Variants in SIPA1L1 observed in about 807,000 individuals in gnomAD.
SIPA1L1 encodes the protein signal induced proliferation associated 1 like 1.
Under a neutral mutation model 162.7 loss-of-function variants are expected in SIPA1L1, and 26 were observed. The ratio of observed to expected loss-of-function variants is 0.16; its 90% CI spans 0.12 to 0.22. The LOEUF (loss-of-function observed/expected upper bound fraction) is 0.22, where lower values mean the gene tolerates loss of function less well. Among genes scored for constraint, SIPA1L1 ranks in the 10% least tolerant of loss-of-function variants. The pLI, the probability that SIPA1L1 is intolerant of heterozygous loss-of-function variation, is 1.00. For synonymous variants in SIPA1L1, 829 were observed against 837.4 expected (o/e 0.99, Z 0.17); for missense variants, 1,874 against 2,241.0 (o/e 0.84, Z 3.31).
At chr14:71,676,047 A>G (rs1285607960) in intron 12 of SIPA1L1, among the ~76,000 whole-genome samples, 1 of 139,616 alleles carries the variant, frequency 7.2e-6, no homozygotes, top group Non-Finnish European at 1.6e-5. Flanking sequence ...ATTTGAGGTC[A>G]GGAGTTTGAG....
chr14:71,409,146 T>A (rs1210484517), intron 2 of SIPA1L1, among the ~76,000 whole-genome samples: 1 of 152,226 alleles, frequency 6.6e-6, no homozygotes, highest in African/African-American at 2.4e-5. Context: ...AGTAATATAT[T>A]CTTAGTTTTG....
chr14:71,488,933 T>C (rs938198001), intron 2 of SIPA1L1, among the ~76,000 whole-genome samples: 7 of 152,202 alleles, frequency 4.6e-5, no homozygotes, highest in Non-Finnish European at 1.0e-4. Flanking sequence ...TTATCAGTTA[T>C]GTGAAGAAGT....
At chr14:71,338,110 CA>C (rs1278521209) in intron 2 of SIPA1L1, among the ~76,000 whole-genome samples, 7 of 152,236 alleles carry the variant, frequency 4.6e-5, no homozygotes, top group Non-Finnish European at 1.0e-4. Context: ...TCTCATCCTT[CA>C]AGACCCACCT....
At chr14:71,406,787 G>C (rs1378861103) in intron 2 of SIPA1L1, among the ~76,000 whole-genome samples, 1 of 152,160 alleles carries the variant, frequency 6.6e-6, no homozygotes, top group Admixed American at 6.5e-5. Flanking sequence ...ATTGTTAGTT[G>C]TGTTGTGACC....
intron 2 of SIPA1L1, among the ~76,000 whole-genome samples, chr14:71,361,760 A>G (rs958494591): frequency 1.3e-5 from 2 of 152,198 alleles, no homozygotes; most frequent in African/African-American, 2.4e-5. Flanking sequence ...GGGTCCTTAC[A>G]TCACCATTGG....
intron 2 of SIPA1L1, among the ~76,000 whole-genome samples, chr14:71,420,954 C>T (rs749721457): frequency 6.6e-6 from 1 of 152,188 alleles, no homozygotes; most frequent in Non-Finnish European, 1.5e-5. Context: ...AGGATCCAAG[C>T]AGCCTTCACA....
chr14:71,631,388 T>C (rs1279685915), intron 7 of SIPA1L1, among the ~76,000 whole-genome samples: 2 of 152,240 alleles, frequency 1.3e-5, no homozygotes. Context: ...TGTACTGCTG[T>C]GCCATAGTTT....
At chr14:71,645,732 G>A (rs1305408668) in intron 7 of SIPA1L1, among the ~76,000 whole-genome samples, 1 of 152,158 alleles carries the variant, frequency 6.6e-6, no homozygotes, top group Non-Finnish European at 1.5e-5. Flanking sequence ...CCAGCAGTTT[G>A]ACTCACCATG....
intron 2 of SIPA1L1, among the ~76,000 whole-genome samples, chr14:71,434,612 C>T (rs1417116034): frequency 2.6e-5 from 4 of 152,090 alleles, no homozygotes; most frequent in Non-Finnish European, 5.9e-5. Flanking sequence ...AGGGTCTTGC[C>T]TTGTTGCCCA....
At chr14:71,679,301 T>G (rs1445847554) in intron 12 of SIPA1L1, among the ~76,000 whole-genome samples, 1 of 152,156 alleles carries the variant, frequency 6.6e-6, no homozygotes, top group East Asian at 1.9e-4. Flanking sequence ...AAGAAAAGAA[T>G]TTTCAACCCA....
chr14:71,558,768 C>G (rs1245507151), intron 4 of SIPA1L1, among the ~76,000 whole-genome samples: 1 of 152,136 alleles, frequency 6.6e-6, no homozygotes, highest in East Asian at 1.9e-4. Flanking sequence ...ACTATATACT[C>G]AAACCTCCAG....
At chr14:71,707,879 AT>A (rs1310142330) in intron 16 of SIPA1L1, among the ~76,000 whole-genome samples, 1 of 152,078 alleles carries the variant, frequency 6.6e-6, no homozygotes, top group Non-Finnish European at 1.5e-5. Flanking sequence ...TATACCCAAC[AT>A]TGCCAACATT....
chr14:71,702,299 T>G (rs930900350), intron 14 of SIPA1L1, 82 bp from the exon 15 acceptor site: 9 of 1,472,162 alleles, frequency 6.1e-6, no homozygotes, highest in Non-Finnish European at 8.4e-6. Context: ...TCATTAAAAT[T>G]TAGTTCATTA....
intron 2 of SIPA1L1, among the ~76,000 whole-genome samples, chr14:71,456,041 A>G (rs2046161489): frequency 6.6e-6 from 1 of 152,250 alleles, no homozygotes; most frequent in Admixed American, 6.5e-5. Flanking sequence ...GGAAAAACGT[A>G]AATTATTTTA....
At chr14:71,716,544 G>C (rs570131697) in intron 17 of SIPA1L1, among the ~76,000 whole-genome samples, 7 of 152,296 alleles carry the variant, frequency 4.6e-5, no homozygotes, top group Non-Finnish European at 1.0e-4. Flanking sequence ...GCTGGCAGAT[G>C]TTTTTCACAG....
chr14:71,598,637 A>C (rs1055476687), intron 5 of SIPA1L1, among the ~76,000 whole-genome samples: 8 of 152,236 alleles, frequency 5.3e-5, no homozygotes, highest in African/African-American at 1.9e-4. Context: ...ATAACAACAA[A>C]ATGCAACATG....
At position 71,720,082 on chromosome 14, in the gene SIPA1L1, C is replaced by G. The variant is rs1218699037; in HGVS notation, c.4209-3565C>G. ...CTACTTTCAGATATCCTTTCTTTAT[C>G]CTTGACCTTTGAGAGTTTGATTAAT... is the stretch of plus-strand genomic sequence containing the variant. On this transcript the variant is annotated intron_variant, in intron 17 of 23. Transcript: ENST00000381232. 1.2e-4 allele frequency among the ~76,000 whole-genome samples: 19 copies of G among 152,122 alleles called. No individual in the cohort carries two copies. In the East Asian group the frequency reaches 3.3e-3, roughly 26 times the overall value.
At chr14:71,729,145 C>G (rs569585453) in intron 19 of SIPA1L1, among the ~76,000 whole-genome samples, 3 of 152,252 alleles carry the variant, frequency 2.0e-5, no homozygotes, top group Non-Finnish European at 2.9e-5. Flanking sequence ...AAGCGATTCT[C>G]CTGTCTCAGC....
In SIPA1L1 at chr14:71,647,734, A is replaced by G. The variant is rs1195637598; in HGVS notation, c.1819-2601A>G. Among the ~76,000 whole-genome samples, 26 of 152,008 alleles carry G rather than the reference A, an allele frequency of 1.7e-4. 1 individual carries two copies. On this transcript the variant is annotated intron_variant, in intron 7 of 23. Coordinates refer to ENST00000381232, the MANE Select transcript of SIPA1L1 (RefSeq NM_001386936.1). Reference sequence around the variant, plus strand: ...ACATCGAGACTATCTCTCCCTTTTTATTTGTTGAGACCTAATAGGGTACTT... The same window carrying G: ...ACATCGAGACTATCTCTCCCTTTTTGTTTGTTGAGACCTAATAGGGTACTT...
Sources: allele counts gnomAD v4.1 joint callset (sites outside exome capture counted in the v4.1 genomes callset), GRCh38; gene constraint gnomAD v4.1.1; transcripts MANE v1.5; gene names NCBI Gene and HGNC (gene_info 2026-07-23, HGNC 2026-07-21).